The following PC variants were observed in gnomAD, a reference collection of about 807,000 sequenced individuals.
PC encodes the protein pyruvate carboxylase, mitochondrial.
PC carries 46 observed loss-of-function variants against 107.8 expected under a neutral mutation model. The ratio of observed to expected loss-of-function variants is 0.43; its 90% confidence interval spans 0.34 to 0.55. PC has a LOEUF of 0.55. Among genes scored for constraint, PC ranks in the 20% least tolerant of loss-of-function variants. The pLI is 0.04. For synonymous variants in PC, 662 were observed against 684.7 expected (o/e 0.97, Z 0.52); for missense variants, 1,241 against 1,643.1 (o/e 0.76, Z 4.23).
chr11:66,957,571 G>T (rs1430089552), intron 1 of PC, among the ~76,000 whole-genome samples: 1 of 152,174 alleles, frequency 6.6e-6, no homozygotes, highest in Admixed American at 6.5e-5. Flanking sequence ...AGCCGAGATC[G>T]CGCCACTGCA....
intron 3 of PC, among the ~76,000 whole-genome samples, chr11:66,942,710 G>C (rs1949171005): frequency 6.6e-6 from 1 of 152,000 alleles, no homozygotes; most frequent in South Asian, 2.1e-4. Context: ...CTGTACGCTG[G>C]AAAATGGTTA....
chr11:66,881,019 G>C (rs747333350), intron 3 of PC, among the ~76,000 whole-genome samples: 1 of 152,210 alleles, frequency 6.6e-6, no homozygotes, highest in Non-Finnish European at 1.5e-5. Context: ...TGCTGCCAGG[G>C]CCAGCAACCA....
At chr11:66,894,478 T>C (rs918684890) in intron 3 of PC, among the ~76,000 whole-genome samples, 1 of 152,226 alleles carries the variant, frequency 6.6e-6, no homozygotes, top group African/African-American at 2.4e-5. Context: ...AATATATATA[T>C]ATTTTTAAAG....
chr11:66,857,722 C>T lies in PC; in HGVS notation c.1369-4339G>A. 6.3e-7 allele frequency: 1 copy of T among 1,575,596 alleles called. No individual in the cohort carries two copies. Among genetic ancestry groups the T allele is most frequent in the Non-Finnish European group, 8.6e-7 (1 of 1,166,472 alleles). ...AGCCCCACCTGTGCCTGGGCTGTGG[C>T]CCCTTCCTACAGGGCGCTCACCATG... On this transcript the variant is annotated intron_variant, in intron 12 of 22. Coordinates refer to ENST00000393960, the MANE Select transcript of PC (RefSeq NM_001040716.2). This position sits in a 1 kb window ranked among gnomAD's most constrained non-coding sequence, Gnocchi z 7.1.
At position 66,855,239 on chromosome 11, in the gene PC, AGGCCCATCTGGTTCCTGATGAACCC is replaced by A. The variant is rs1411037980; in HGVS notation, c.1369-1881_1369-1857del. 4.6e-5 allele frequency among the ~76,000 whole-genome samples: 7 copies of A among 152,324 alleles called. No individual in the cohort carries two copies. In the East Asian group the frequency reaches 1.3e-3, roughly 29 times the overall value. On this transcript the variant is annotated intron_variant, in intron 12 of 22. Coordinates refer to ENST00000393960, the MANE Select transcript of PC (RefSeq NM_001040716.2). Reference sequence around the variant, plus strand: ...TGTAAGCTCTATGGGGGCAGGAACCAGGCCCATCTGGTTCCTGATGAACCCGGCTCCCAGCACTGGGTGGCCATGG... The same window carrying A: ...TGTAAGCTCTATGGGGGCAGGAACCAGGCTCCCAGCACTGGGTGGCCATGG...
chr11:66,951,043 C>T (rs1171662408), intron 3 of PC, among the ~76,000 whole-genome samples: 2 of 152,092 alleles, frequency 1.3e-5, no homozygotes, highest in African/African-American at 4.8e-5. Context: ...ACGCAGACGG[C>T]ACCTGCTGGC....
intron 3 of PC, among the ~76,000 whole-genome samples, chr11:66,928,518 AATTATT>A (rs200179069): frequency 1.7e-4 from 25 of 151,356 alleles, no homozygotes; most frequent in African/African-American, 4.4e-4. Context: ...TGTGAGCATT[AATTATT>A]ATTATTATTA....
rs374607634 is a variant in PC at position 66,870,762 on chromosome 11, C to T, written c.751+13G>A. The T allele has an allele frequency of 1.1e-4, 170 of 1,607,386 alleles. No individual in the cohort carries two copies. The highest frequency in any genetic ancestry group is 1.4e-4 in the Non-Finnish European group (162 of 1,177,000). ...CCTCCAGCTGCCCCAGGCGGGGCGT[C>T]AGGACCACTCACCCAAGATCTGCAC... is the stretch of plus-strand genomic sequence containing the variant. On this transcript the variant is annotated intron_variant, in intron 8 of 22. Coordinates refer to ENST00000393960, the MANE Select transcript of PC (RefSeq NM_001040716.2). This position sits in a 1 kb window ranked among gnomAD's most constrained non-coding sequence, Gnocchi z 6.1.
chr11:66,885,976 C>T (rs1420044996), intron 3 of PC, among the ~76,000 whole-genome samples: 8 of 152,220 alleles, frequency 5.3e-5, no homozygotes, highest in Non-Finnish European at 8.8e-5. Context: ...CCCTCTCATC[C>T]GCACATCCTG....
At chr11:66,899,200 T>C (rs1273935893) in intron 3 of PC, among the ~76,000 whole-genome samples, 2 of 152,122 alleles carry the variant, frequency 1.3e-5, no homozygotes, top group Admixed American at 6.6e-5. Context: ...AACAGAATCA[T>C]AAATTATGTG....
At position 66,943,919 on chromosome 11, in the gene PC, G is replaced by A. The variant is rs557465068; in HGVS notation, c.-1+8511C>T. 2.7e-5 allele frequency among the ~76,000 whole-genome samples: 4 copies of A among 149,894 alleles called. No individual in the cohort carries two copies. The South Asian group carries it at 6.4e-4, about 24-fold the overall frequency. ...AATCTCTTGAACCCAGGAGACAGAG[G>A]TTGCAGTGAGCCACTGCCCTCCAGC... On this transcript the variant is annotated intron_variant, in intron 3 of 22. Transcript: ENST00000393960.
chr11:66,849,925 G>A lies in PC; in HGVS notation c.2898+12C>T, dbSNP rs1177609127. 1 of 1,613,542 alleles carries A rather than the reference G, an allele frequency of 6.2e-7. No homozygotes were observed. Among genetic ancestry groups the A allele is most frequent in the Non-Finnish European group, 8.5e-7 (1 of 1,180,030 alleles). On this transcript the variant is annotated intron_variant, in intron 20 of 22. Transcript: ENST00000393960. ...CAGCCCCCACCCTCACACCATGCTG[G>A]GCCTTCCCTACCTTAGAGCGAAAGG...
chr11:66,856,508 C>G lies in PC; in HGVS notation c.1369-3125G>C, dbSNP rs535055855. On this transcript the variant is annotated intron_variant, in intron 12 of 22. Coordinates refer to ENST00000393960, the MANE Select transcript of PC (RefSeq NM_001040716.2). Reference sequence around the variant, plus strand: ...CCAGGGGCGCCGCCCCAGCCCCCCCCACGGCCGAACCCCGTGCCGGTTGGG... The same window carrying G: ...CCAGGGGCGCCGCCCCAGCCCCCCCGACGGCCGAACCCCGTGCCGGTTGGG... 5.2e-5 allele frequency: 8 copies of G among 152,698 alleles called. No individual in the cohort carries two copies. The South Asian group carries it at 1.0e-3, about 20-fold the overall frequency. 9.5% of individuals were successfully genotyped at this position (152,698 alleles called of 1,614,324 possible).
At chr11:66,914,467 C>T (rs542294278) in intron 3 of PC, among the ~76,000 whole-genome samples, 3 of 151,122 alleles carry the variant, frequency 2.0e-5, no homozygotes, top group Admixed American at 6.6e-5. Context: ...GCCGAGATGG[C>T]GCCACTGCAC....
intron 3 of PC, among the ~76,000 whole-genome samples, chr11:66,892,852 C>T (rs1333500133): frequency 6.8e-6 from 1 of 147,852 alleles, no homozygotes; most frequent in Non-Finnish European, 1.5e-5. Context: ...AAGACTCCAT[C>T]TCAAAAAAAA....
intron 3 of PC, among the ~76,000 whole-genome samples, chr11:66,943,603 T>G (rs1270107669): frequency 6.7e-6 from 1 of 149,690 alleles, no homozygotes; most frequent in Non-Finnish European, 1.5e-5. Flanking sequence ...AAAAAAAAAT[T>G]TGCCGGGCGT....
In PC at chr11:66,851,168, C is replaced by T. The variant is rs760108147; in HGVS notation, c.2095G>A (p.Val699Met). ...GMEAAGSAGG[V>M]VEAAISYTGD... ...GTGTATGAGATGGCAGCCTCCACCACGCCTCCGGCACTTCCTGCCGCCTCC... is the reference window on the plus strand; with the variant it reads ...GTGTATGAGATGGCAGCCTCCACCATGCCTCCGGCACTTCCTGCCGCCTCC... Residue 699 changes from valine to methionine, a missense_variant, in exon 17 of 23, where the codon GTG becomes ATG. By Grantham distance (21) the Val-to-Met change is conservative. This residue lies in a region of PC where 1,143 missense variants were observed against 1,551.9 expected (regional missense o/e 0.74). Transcript: ENST00000393960. 91 of 1,611,992 alleles carry T rather than the reference C, an allele frequency of 5.6e-5. 1 individual carries two copies. The South Asian group carries it at 6.3e-4, about 11-fold the overall frequency.
intron 3 of PC, among the ~76,000 whole-genome samples, chr11:66,904,996 G>A (rs1230607039): frequency 2.0e-5 from 3 of 152,218 alleles, no homozygotes; most frequent in Non-Finnish European, 2.9e-5. Flanking sequence ...TTCGGTTTCA[G>A]AAACTGTAAA....
chr11:66,858,469 T>A lies in PC; in HGVS notation c.1369-5086A>T. The A allele has an allele frequency of 6.5e-7, 1 of 1,547,692 alleles. No homozygotes were observed. The highest frequency in any genetic ancestry group is 1.4e-5 in the African/African-American group (1 of 73,752). ...AACCCCCTGCACTGCAACTGTGAGC[T>A]GCTGTGGCTGCGGCGGCTGGCGCGG... On this transcript the variant is annotated intron_variant, in intron 12 of 22. Transcript: ENST00000393960. The surrounding 1 kb of genome is among the most constrained non-coding windows in gnomAD (Gnocchi z 5.9).
Sources: gnomAD v4.1 joint callset for allele counts (sites outside exome capture counted in the v4.1 genomes callset) on GRCh38, gnomAD v4.1.1 for gene constraint, gnomAD v4.1.1 regional missense constraint, Gnocchi (gnomAD v3.1) non-coding constraint, MANE v1.5 for transcripts, NCBI Gene and HGNC (gene_info 2026-07-23, HGNC 2026-07-21) for gene names.